PRICKLE1: variants seen among roughly 807,000 people sequenced by gnomAD.
PRICKLE1 encodes the protein prickle-like protein 1.
Under a neutral mutation model 70.2 loss-of-function variants are expected in PRICKLE1, and 14 were observed. That is an observed-to-expected ratio of 0.20 (90% CI 0.13 to 0.31). PRICKLE1 has a LOEUF of 0.31. PRICKLE1 is among the 10% of genes least tolerant of loss of function. The pLI is 1.00. For synonymous variants in PRICKLE1, 357 were observed against 379.9 expected (o/e 0.94, Z 0.70); for missense variants, 821 against 1,026.2 (o/e 0.80, Z 2.73).
chr12:42,501,333 T>C (rs913655185), intron 1 of PRICKLE1, among the ~76,000 whole-genome samples: 12 of 151,810 alleles, frequency 7.9e-5, no homozygotes, highest in African/African-American at 2.7e-4. Flanking sequence ...TGAAACCCCA[T>C]GTTTTGTATT....
intron 1 of PRICKLE1, among the ~76,000 whole-genome samples, chr12:42,502,586 C>T (rs1169992882): frequency 6.6e-6 from 1 of 152,114 alleles, no homozygotes; most frequent in African/African-American, 2.4e-5. Context: ...GTTGGGGTTA[C>T]AAGCATGAAC....
intron 1 of PRICKLE1, chr12:42,489,823 G>A (rs1939062951): frequency 6.6e-6 from 1 of 152,118 alleles, no homozygotes; most frequent in Non-Finnish European, 1.5e-5. Flanking sequence ...GAAGGAGGGT[G>A]TCACCAGTCC....
chr12:42,498,185 T>C (rs968740039), intron 1 of PRICKLE1, among the ~76,000 whole-genome samples: 10 of 150,762 alleles, frequency 6.6e-5, no homozygotes, highest in African/African-American at 1.7e-4. Context: ...TCTTTTTTTT[T>C]TTTTGGAGAC....
At chr12:42,535,586 T>C (rs1371231122) in intron 1 of PRICKLE1, among the ~76,000 whole-genome samples, 13 of 152,116 alleles carry the variant, frequency 8.5e-5, no homozygotes, top group Non-Finnish European at 1.9e-4. Flanking sequence ...TGCTCTTCCT[T>C]AGGGGCAGGC....
At chr12:42,468,583 TA>T in intron 5 of PRICKLE1, 42 bp downstream of exon 5, 1 of 1,573,922 alleles carries the variant, frequency 6.4e-7, no homozygotes, top group Non-Finnish European at 8.7e-7. Context: ...TGGCTTAATC[TA>T]AGCTTATTTT....
chr12:42,581,798 G>T (rs533309842), intron 1 of PRICKLE1, among the ~76,000 whole-genome samples: 1 of 151,790 alleles, frequency 6.6e-6, no homozygotes, highest in South Asian at 2.1e-4. Context: ...GTGTCCACAG[G>T]CAGCATAAAC....
chr12:42,496,576 A>G (rs1233269923), intron 1 of PRICKLE1, among the ~76,000 whole-genome samples: 1 of 152,204 alleles, frequency 6.6e-6, no homozygotes, highest in Non-Finnish European at 1.5e-5. Flanking sequence ...CAGTATAGGA[A>G]CTCAACTGCA....
In PRICKLE1 at chr12:42,458,308, G is replaced by A. The variant is rs1937652260; in HGVS notation, c.*1501C>T. On this transcript the variant is annotated 3_prime_UTR_variant, in exon 8 of 8. Coordinates refer to ENST00000345127, the MANE Select transcript of PRICKLE1 (RefSeq NM_153026.3). ...TCATGCCTGAACACAGGCACAAAAT[G>A]GAAGTTATCTGGATACATTTGCAAA... 6.6e-6 allele frequency: 1 copy of A among 152,172 alleles called. No homozygotes were observed. Among genetic ancestry groups the A allele is most frequent in the East Asian group, 1.9e-4 (1 of 5,196 alleles). The allele number at this position is 152,172 out of a possible 1,614,324, so 9.4% of individuals were successfully genotyped here.
chr12:42,514,920 T>TCTATCTATCTAC, intron 1 of PRICKLE1, among the ~76,000 whole-genome samples: 1 of 151,556 alleles, frequency 6.6e-6, no homozygotes, highest in Admixed American at 6.6e-5. Flanking sequence ...TATCTATCTA[T>TCTATCTATCTAC]CTATCTATCT....
At chr12:42,562,937 C>T (rs1015202670) in intron 1 of PRICKLE1, among the ~76,000 whole-genome samples, 2 of 152,142 alleles carry the variant, frequency 1.3e-5, no homozygotes, top group Non-Finnish European at 2.9e-5. Flanking sequence ...CACCTGTAAT[C>T]TCAGCACTTT....
intron 1 of PRICKLE1, among the ~76,000 whole-genome samples, chr12:42,503,983 G>C (rs1403681778): frequency 1.3e-5 from 2 of 151,950 alleles, no homozygotes; most frequent in African/African-American, 4.8e-5. Context: ...TAAATTCTAG[G>C]TCTGTGGCAA....
intron 1 of PRICKLE1, among the ~76,000 whole-genome samples, chr12:42,532,062 G>C (rs964070761): frequency 6.6e-6 from 1 of 152,330 alleles, no homozygotes; most frequent in Admixed American, 6.5e-5. Flanking sequence ...TACTTGAAAG[G>C]CTGAAGTGGA....
At chr12:42,496,595 C>T (rs1939205904) in intron 1 of PRICKLE1, among the ~76,000 whole-genome samples, 1 of 152,242 alleles carries the variant, frequency 6.6e-6, no homozygotes, top group African/African-American at 2.4e-5. Flanking sequence ...CATTGAAAAT[C>T]TGTTGTTTAG....
intron 1 of PRICKLE1, among the ~76,000 whole-genome samples, chr12:42,479,759 C>T (rs781074313): frequency 6.6e-6 from 1 of 152,018 alleles, no homozygotes; most frequent in Non-Finnish European, 1.5e-5. Flanking sequence ...AGTTCGAGAC[C>T]AGCCTGATCA....
At chr12:42,572,177 T>C (rs1940726696) in intron 1 of PRICKLE1, among the ~76,000 whole-genome samples, 1 of 152,158 alleles carries the variant, frequency 6.6e-6, no homozygotes, top group African/African-American at 2.4e-5. Flanking sequence ...CTTATGCTTG[T>C]AATCCCAGCA....
At chr12:42,468,495 A>T in intron 5 of PRICKLE1, 131 bp downstream of exon 5, 1 of 850,732 alleles carries the variant, frequency 1.2e-6, no homozygotes, top group Non-Finnish European at 1.9e-6. Context: ...ATGAATGTAC[A>T]GGATTATGTT....
intron 1 of PRICKLE1, among the ~76,000 whole-genome samples, chr12:42,565,719 T>C (rs909111113): frequency 6.6e-5 from 10 of 152,212 alleles, no homozygotes; most frequent in Non-Finnish European, 1.5e-4. Context: ...ACATCCAGTT[T>C]CCCTACCTTC....
intron 1 of PRICKLE1, among the ~76,000 whole-genome samples, chr12:42,567,374 C>G (rs535039026): frequency 6.6e-6 from 1 of 152,328 alleles, no homozygotes; most frequent in African/African-American, 2.4e-5. Context: ...AATTTTCAGT[C>G]TTGCCAGATT....
At chr12:42,587,975 A>G (rs900825613) in intron 1 of PRICKLE1, among the ~76,000 whole-genome samples, 5 of 152,262 alleles carry the variant, frequency 3.3e-5, no homozygotes, top group African/African-American at 1.2e-4. Flanking sequence ...AGAGTCTGAA[A>G]ACAGACATAA....
Sources: allele counts gnomAD v4.1 joint callset (sites outside exome capture counted in the v4.1 genomes callset), GRCh38; gene constraint gnomAD v4.1.1; transcripts MANE v1.5; gene names NCBI Gene and HGNC (gene_info 2026-07-23, HGNC 2026-07-21).